The following FLNB variants were observed in gnomAD, a reference collection of about 807,000 sequenced individuals.
FLNB encodes filamin B.
A neutral mutation model predicts 250.6 loss-of-function variants in FLNB; 111 were observed. That is an observed-to-expected ratio of 0.44 (90% CI 0.38 to 0.52). FLNB has a LOEUF of 0.52. Among genes scored for constraint, FLNB ranks in the 20% least tolerant of loss-of-function variants. FLNB has a pLI of 0.00. For missense variants in FLNB, 2,869 were observed against 3,447.8 expected, an observed-to-expected ratio of 0.83 and a Z score of 4.20; for synonymous variants, 1,302 against 1,372.1, an observed-to-expected ratio of 0.95 and a Z score of 1.13.
At position 58,150,089 on chromosome 3, in the gene FLNB, T is replaced by C; in HGVS notation, c.6245-16T>C. 1.2e-6 allele frequency: 2 copies of C among 1,614,274 alleles called. No individual in the cohort carries two copies. Among genetic ancestry groups the C allele is most frequent in the Non-Finnish European group, 1.7e-6 (2 of 1,180,050 alleles). Reference sequence around the variant, plus strand: ...GGCCTCTGGCCTGCTCACAGGAGCCTTCTTGGGTCTTGCAGGGAGCCCATT... The same window carrying C: ...GGCCTCTGGCCTGCTCACAGGAGCCCTCTTGGGTCTTGCAGGGAGCCCATT... On this transcript the variant is annotated splice_polypyrimidine_tract_variant and intron_variant, in intron 37 of 45. Coordinates refer to ENST00000295956, the MANE Select transcript of FLNB (RefSeq NM_001457.4).
chr3:58,078,027 A>C (rs1241888986), intron 2 of FLNB, among the ~76,000 whole-genome samples: 1 of 152,192 alleles, frequency 6.6e-6, no homozygotes, highest in Non-Finnish European at 1.5e-5. Context: ...TTTACTGGGC[A>C]CATTAGTATT....
intron 1 of FLNB, among the ~76,000 whole-genome samples, chr3:58,035,980 A>G (rs543775482): frequency 6.6e-6 from 1 of 152,306 alleles, no homozygotes; most frequent in African/African-American, 2.4e-5. Flanking sequence ...CTTATTCCAC[A>G]AAGCTTAATT....
At chr3:58,037,014 G>C (rs2097139005) in intron 1 of FLNB, among the ~76,000 whole-genome samples, 2 of 145,930 alleles carry the variant, frequency 1.4e-5, no homozygotes, top group African/African-American at 5.0e-5. Context: ...CTGGTCAGTT[G>C]ATATGATGTT....
intron 1 of FLNB, among the ~76,000 whole-genome samples, chr3:58,037,402 C>T (rs921709737): frequency 1.3e-5 from 2 of 152,180 alleles, no homozygotes; most frequent in Non-Finnish European, 2.9e-5. Flanking sequence ...GCAAGTTGTC[C>T]TCAGTGGGCT....
Position 58,111,886 on chromosome 3 carries a change from G to A in FLNB, c.2575+5G>A. On this transcript the variant is annotated splice_donor_5th_base_variant and intron_variant, in intron 17 of 45. Coordinates refer to ENST00000295956, the MANE Select transcript of FLNB (RefSeq NM_001457.4). ...GCCCAGGGCTCAGCAAAGCAGGTAA[G>A]ATGGCACGTCTAGGTTGTCCTGGGC... 1.2e-6 allele frequency: 2 copies of A among 1,612,472 alleles called. No homozygotes were observed. Among genetic ancestry groups the A allele is most frequent in the Non-Finnish European group, 1.7e-6 (2 of 1,178,486 alleles).
At chr3:58,099,802 C>T (rs778842047) in intron 8 of FLNB, among the ~76,000 whole-genome samples, 14 of 152,034 alleles carry the variant, frequency 9.2e-5, no homozygotes, top group Admixed American at 2.0e-4. Flanking sequence ...TAGCTGGGCC[C>T]GTGTTCTGTG....
At chr3:58,135,143 CTG>C (rs990970303) in intron 27 of FLNB, among the ~76,000 whole-genome samples, 1 of 152,214 alleles carries the variant, frequency 6.6e-6, no homozygotes, top group Non-Finnish European at 1.5e-5. Flanking sequence ...ACATGAGACA[CTG>C]TGCCCGTCCC....
intron 29 of FLNB, among the ~76,000 whole-genome samples, chr3:58,141,510 A>C (rs1053433111): frequency 6.6e-6 from 1 of 152,114 alleles, no homozygotes; most frequent in Admixed American, 6.5e-5. Context: ...ACCAGAATTT[A>C]TTTGACCAAA....
At chr3:58,015,261 G>A (rs10470696) in intron 1 of FLNB, among the ~76,000 whole-genome samples, 1 of 151,998 alleles carries the variant, frequency 6.6e-6, no homozygotes, top group Non-Finnish European at 1.5e-5. Flanking sequence ...TATATTTGAT[G>A]AGGTTAAGTT....
In FLNB at chr3:58,109,295, C is replaced by A; in HGVS notation, c.2172C>A (p.Gly724=). 6.2e-7 allele frequency: 1 copy of A among 1,614,106 alleles called. No homozygotes were observed. The highest frequency in any genetic ancestry group is 8.5e-7 in the Non-Finnish European group (1 of 1,180,000). Residue 724 remains glycine, a synonymous_variant, in exon 14 of 46, where the codon GGC becomes GGA. Transcript: ENST00000295956. Reference sequence around the variant, plus strand: ...ACACCATTGCTGTGGTCTGGGGAGGCGTGAACATCCCGCACAGCCCCTACA... The same window carrying A: ...ACACCATTGCTGTGGTCTGGGGAGGAGTGAACATCCCGCACAGCCCCTACA... ...IKHTIAVVWG[G]VNIPHSPYRV...
chr3:58,169,682 G>A lies in FLNB; in HGVS notation c.7510G>A (p.Ala2504Thr), dbSNP rs148364272. 8.6e-5 allele frequency: 139 copies of A among 1,614,062 alleles called. No homozygotes were observed. In the African/African-American group the frequency reaches 1.4e-3, roughly 17 times the overall value. The change falls in exon 45 of 46, where the codon GCC becomes ACC. Residue 2504 changes from alanine to threonine, a missense_variant. By Grantham distance (58) the Ala-to-Thr change is moderately conservative. Around this residue, in one of 5 missense-constraint regions of FLNB, gnomAD observed 1,084 missense variants for 1,315.5 expected, o/e 0.82. Coordinates refer to ENST00000295956, the MANE Select transcript of FLNB (RefSeq NM_001457.4). The surrounding 1 kb of genome is among the most constrained non-coding windows in gnomAD (Gnocchi z 4.8). ...GTCGTCTACAGAGACCTGCTATAGC[G>A]CCATTCCCAAGGCATCCTCGGACGC... ...TRSSTETCYSAIPKASSDASK... is the reference protein window; with the variant it reads ...TRSSTETCYSTIPKASSDASK...
chr3:58,068,848 A>G (rs2097189874), intron 1 of FLNB, among the ~76,000 whole-genome samples: 2 of 152,168 alleles, frequency 1.3e-5, no homozygotes, highest in South Asian at 4.1e-4. Flanking sequence ...AGAGTTGGAT[A>G]TAGAAGAGGC....
chr3:58,051,520 G>A (rs898837987), intron 1 of FLNB, among the ~76,000 whole-genome samples: 1 of 152,140 alleles, frequency 6.6e-6, no homozygotes, highest in African/African-American at 2.4e-5. Context: ...AAGGGTCGTC[G>A]TCTTGAGTAG....
In FLNB at chr3:58,107,687, C is replaced by G. The variant is rs770689372; in HGVS notation, c.1942-771C>G. On this transcript the variant is annotated intron_variant, in intron 12 of 45. Coordinates refer to ENST00000295956, the MANE Select transcript of FLNB (RefSeq NM_001457.4). ...GGAGCAATGTTTCCAAGAGTGTCCT[C>G]TCAAACCCTTAGCAGGCTGATAAGC... Among the ~76,000 whole-genome samples, 4 of 152,216 alleles carry G rather than the reference C, an allele frequency of 2.6e-5. No individual in the cohort carries two copies. The East Asian group carries it at 7.7e-4, about 29-fold the overall frequency.
At chr3:58,131,328 T>C (rs1363334519) in intron 25 of FLNB, among the ~76,000 whole-genome samples, 1 of 152,210 alleles carries the variant, frequency 6.6e-6, no homozygotes, top group African/African-American at 2.4e-5. Context: ...GCCAGGCACA[T>C]GATGCACGTG....
chr3:58,016,129 G>A (rs1024372544), intron 1 of FLNB, among the ~76,000 whole-genome samples: 17 of 151,520 alleles, frequency 1.1e-4, no homozygotes, highest in African/African-American at 3.1e-4. Flanking sequence ...GCATGATCTC[G>A]GCTCACTGCA....
At chr3:58,141,809 G>A in intron 29 of FLNB, 49 bp from the exon 30 acceptor site, 1 of 1,530,708 alleles carries the variant, frequency 6.5e-7, no homozygotes, top group Admixed American at 1.7e-5. Context: ...TCTACTGAGT[G>A]TATCCTTCCA....
intron 21 of FLNB, 130 bp from the exon 22 acceptor site, chr3:58,124,202 T>C (rs910744775): frequency 1.1e-6 from 1 of 940,138 alleles, no homozygotes. Flanking sequence ...ATTTGAGAGT[T>C]AGAAAAACCA....
intron 43 of FLNB, among the ~76,000 whole-genome samples, chr3:58,166,317 C>T (rs763256905): frequency 2.6e-5 from 4 of 152,084 alleles, no homozygotes; most frequent in South Asian, 4.1e-4. Context: ...CAAATGGGTG[C>T]GGTGGCTCAT....
Sources: allele counts gnomAD v4.1 joint callset (sites outside exome capture counted in the v4.1 genomes callset), GRCh38; gene constraint gnomAD v4.1.1; regional missense constraint gnomAD v4.1.1; non-coding constraint Gnocchi (gnomAD v3.1); transcripts MANE v1.5; gene names NCBI Gene and HGNC (gene_info 2026-07-23, HGNC 2026-07-21).